Variants in ECT2L observed in about 807,000 individuals in gnomAD.
ECT2L encodes epithelial cell transforming 2 like, also known as epithelial cell-transforming sequence 2 oncogene-like.
Under a neutral mutation model 122.8 loss-of-function variants are expected in ECT2L, and 126 were observed. The ratio of observed to expected loss-of-function variants is 1.03; its 90% CI spans 0.89 to 1.19. The LOEUF (loss-of-function observed/expected upper bound fraction) is 1.19, where lower values mean the gene tolerates loss of function less well. Ranked by LOEUF, ECT2L falls within the 50% of genes most tolerant of loss-of-function variation. ECT2L has a pLI of 0.00. For synonymous variants in ECT2L, 385 were observed against 381.8 expected (o/e 1.01, Z -0.10); for missense variants, 1,012 against 1,064.1 (o/e 0.95, Z 0.68).
chr6:138,822,705 A>G, intron 4 of ECT2L: 2 of 1,547,650 alleles, frequency 1.3e-6, no homozygotes, highest in South Asian at 1.2e-5. Flanking sequence ...TGAGCGACGC[A>G]GAAGACGGGT....
In ECT2L at chr6:138,844,310, C is replaced by A. The variant is rs186059309; in HGVS notation, c.596-102C>A. On this transcript the variant is annotated intron_variant, in intron 6 of 21. Coordinates refer to ENST00000541398, the MANE Select transcript of ECT2L (RefSeq NM_001077706.3). Reference sequence around the variant, plus strand: ...TGGCTGTAATTATTGTCATTTGGAACCTTGCCCTGGTACAGCTTTATTTTT... The same window carrying A: ...TGGCTGTAATTATTGTCATTTGGAAACTTGCCCTGGTACAGCTTTATTTTT... 3.4e-5 allele frequency: 46 copies of A among 1,364,486 alleles called. 1 individual carries two copies. The South Asian group carries it at 3.6e-4, about 11-fold the overall frequency. 84.5% of individuals were successfully genotyped at this position (1,364,486 alleles called of 1,614,324 possible).
chr6:138,826,938 T>C (rs941013195), intron 4 of ECT2L, among the ~76,000 whole-genome samples: 1 of 152,168 alleles, frequency 6.6e-6, no homozygotes, highest in Non-Finnish European at 1.5e-5. Flanking sequence ...CCCCTTCACC[T>C]TCCACCATGA....
At chr6:138,883,206 C>T (rs373061514) in intron 16 of ECT2L, among the ~76,000 whole-genome samples, 8 of 152,360 alleles carry the variant, frequency 5.3e-5, no homozygotes, top group African/African-American at 1.7e-4. Context: ...GTATCCTTGA[C>T]AAGTTCACTC....
chr6:138,847,355 CTTTTTTTTTTTTT>C (rs1170631663), intron 8 of ECT2L, among the ~76,000 whole-genome samples: 10 of 54,952 alleles, frequency 1.8e-4, no homozygotes, highest in South Asian at 9.3e-4. Context: ...AAGGCCCAAA[CTTTTTTTTTTTTT>C]TTTTTTTTTT....
intron 19 of ECT2L, among the ~76,000 whole-genome samples, chr6:138,887,806 G>A (rs1173523150): frequency 1.3e-5 from 2 of 151,984 alleles, no homozygotes; most frequent in African/African-American, 4.8e-5. Context: ...TATTTCACTG[G>A]ATAAACCCCT....
At position 138,844,490 on chromosome 6, in the gene ECT2L, G is replaced by A. The variant is rs755777398; in HGVS notation, c.674G>A (p.Arg225His). Residue 225 changes from arginine to histidine, a missense_variant, in exon 7 of 22, where the codon CGC becomes CAC. Physicochemically the swap from Arg to His is conservative, Grantham distance 29 (BLOSUM62 0). Coordinates refer to ENST00000541398, the MANE Select transcript of ECT2L (RefSeq NM_001077706.3). ...SSVLKPRCQP[R>H]LSQTVRERVG... is the part of the protein sequence containing the mutation. ...GTGCTAAAGCCCAGATGCCAACCAC[G>A]CCTCTCCCAGACTGTAAGGGAGCGA... is the stretch of plus-strand genomic sequence containing the variant. 1 of 1,614,018 alleles carries A rather than the reference G, an allele frequency of 6.2e-7. No homozygotes were observed. Among genetic ancestry groups the A allele is most frequent in the Non-Finnish European group, 8.5e-7 (1 of 1,180,034 alleles).
At chr6:138,884,711 G>A (rs554579144) in intron 16 of ECT2L, among the ~76,000 whole-genome samples, 37 of 151,950 alleles carry the variant, frequency 2.4e-4, no homozygotes, top group Admixed American at 6.6e-4. Context: ...TATGGAAAAC[G>A]TAATTAACAG....
chr6:138,862,742 G>T (rs12204850), intron 11 of ECT2L, 23 bp downstream of exon 11: 3 of 1,601,250 alleles, frequency 1.9e-6, no homozygotes, highest in South Asian at 1.1e-5. Flanking sequence ...GGAGCTGAGC[G>T]CCACGTCCAA....
chr6:138,838,568 A>G (rs1209268395), intron 5 of ECT2L, 54 bp downstream of exon 5: 1 of 1,541,410 alleles, frequency 6.5e-7, no homozygotes, highest in Non-Finnish European at 8.7e-7. Flanking sequence ...TGTAATCTGT[A>G]ATGAGGCTAC....
chr6:138,878,306 T>TACACACACACAC (rs34393243), intron 14 of ECT2L, among the ~76,000 whole-genome samples: 14 of 150,218 alleles, frequency 9.3e-5, no homozygotes, highest in African/African-American at 3.4e-4. Flanking sequence ...CATATATATA[T>TACACACACACAC]ACACACACAC....
At chr6:138,831,134 C>A (rs1348200270) in intron 4 of ECT2L, among the ~76,000 whole-genome samples, 1 of 152,152 alleles carries the variant, frequency 6.6e-6, no homozygotes, top group Non-Finnish European at 1.5e-5. Flanking sequence ...TATCAATTTA[C>A]CCCCAATATC....
chr6:138,876,096 GCGA>G (rs1160476990), intron 13 of ECT2L, among the ~76,000 whole-genome samples: 1 of 151,874 alleles, frequency 6.6e-6, no homozygotes, highest in African/African-American at 2.4e-5. Context: ...TCCAGCCTGG[GCGA>G]GAGTGAGACT....
chr6:138,811,244 G>A (rs983416526), intron 1 of ECT2L, among the ~76,000 whole-genome samples: 3 of 152,210 alleles, frequency 2.0e-5, no homozygotes, highest in African/African-American at 7.2e-5. Context: ...AGGCAAGGGA[G>A]GCCTCCAGCC....
At position 138,813,181 on chromosome 6, in the gene ECT2L, A is replaced by G; in HGVS notation, c.-94A>G. ...TATTGGTTATTTCTAGGTGATCTTA[A>G]TTGCACACCTATTGAAATAAACCTG... On this transcript the variant is annotated 5_prime_UTR_variant, in exon 3 of 22. Transcript: ENST00000541398. 1 of 790,616 alleles carries G rather than the reference A, an allele frequency of 1.3e-6. No individual in the cohort carries two copies. The highest frequency in any genetic ancestry group is 2.5e-5 in the East Asian group (1 of 40,194). 49.0% of individuals were successfully genotyped at this position (790,616 alleles called of 1,614,324 possible).
chr6:138,830,289 C>G (rs972090546), intron 4 of ECT2L, among the ~76,000 whole-genome samples: 3 of 152,122 alleles, frequency 2.0e-5, no homozygotes, highest in African/African-American at 4.8e-5. Flanking sequence ...GGTGGACAAG[C>G]TTTTTCTAAA....
chr6:138,865,370 C>A (rs1053279906), intron 12 of ECT2L, among the ~76,000 whole-genome samples, 192 bp downstream of exon 12: 2 of 152,166 alleles, frequency 1.3e-5, no homozygotes. Flanking sequence ...TATTCAGGTT[C>A]AAAATGTTGA....
chr6:138,826,911 A>T (rs1287759217), intron 4 of ECT2L, among the ~76,000 whole-genome samples: 1 of 152,004 alleles, frequency 6.6e-6, no homozygotes, highest in African/African-American at 2.4e-5. Context: ...TGCTTTCTTC[A>T]TGTGATGTGC....
At chr6:138,859,388 G>GA (rs1777739038) in intron 10 of ECT2L, among the ~76,000 whole-genome samples, 1 of 152,116 alleles carries the variant, frequency 6.6e-6, no homozygotes. Flanking sequence ...ATTTCTCTTG[G>GA]ATGAATACCT....
At chr6:138,826,004 C>A (rs969130503) in intron 4 of ECT2L, among the ~76,000 whole-genome samples, 1 of 152,212 alleles carries the variant, frequency 6.6e-6, no homozygotes, top group African/African-American at 2.4e-5. Context: ...AATCCAGAGT[C>A]ACTGATGGAA....
Sources: allele counts gnomAD v4.1 joint callset (sites outside exome capture counted in the v4.1 genomes callset), GRCh38; gene constraint gnomAD v4.1.1; transcripts MANE v1.5; gene names NCBI Gene and HGNC (gene_info 2026-07-23, HGNC 2026-07-21).